Variants in FBLN2 observed in about 807,000 individuals in gnomAD.
FBLN2 encodes the protein fibulin 2.
A neutral mutation model predicts 123.7 loss-of-function variants in FBLN2; 81 were observed. That is an observed-to-expected ratio of 0.65 (90% CI 0.55 to 0.79). The LOEUF (loss-of-function observed/expected upper bound fraction) is 0.79, where lower values mean the gene tolerates loss of function less well. FBLN2 is among the 30% of genes least tolerant of loss of function. The pLI, the probability that FBLN2 is intolerant of heterozygous loss-of-function variation, is 0.00. For synonymous variants in FBLN2, 699 were observed against 701.4 expected, an observed-to-expected ratio of 1.00 and a Z score of 0.05; for missense variants, 1,603 against 1,681.3, an observed-to-expected ratio of 0.95 and a Z score of 0.81.
chr3:13,568,790 T>C, intron 1 of FBLN2: 1 of 985,782 alleles, frequency 1.0e-6, no homozygotes, highest in Non-Finnish European at 1.2e-6. Flanking sequence ...TGGCGTTCAG[T>C]TCTCTACAGA....
chr3:13,551,481 G>C (rs1303252202), intron 1 of FBLN2, among the ~76,000 whole-genome samples: 1 of 152,170 alleles, frequency 6.6e-6, no homozygotes, highest in African/African-American at 2.4e-5. Context: ...TTAAGAGACG[G>C]GGAAGGGGAG....
chr3:13,626,286 A>G lies in FBLN2; in HGVS notation c.2297-159A>G, dbSNP rs73150634. On this transcript the variant is annotated intron_variant, in intron 9 of 17. Transcript: ENST00000404922. ...CAATAAATCTTTGTTGAATGAAGGG[A>G]TGTTTGGGTGCCGAGACATCAGCCA... 8.8e-3 allele frequency among the ~76,000 whole-genome samples: 1,337 copies of G among 152,262 alleles called. 32 individuals carry two copies. The highest frequency in any genetic ancestry group is 0.031 in the African/African-American group (1,280 of 41,536).
rs949329401 is a variant in FBLN2, at chr3:13,601,252, T to G, written c.1307-6810T>G. 2.0e-5 allele frequency among the ~76,000 whole-genome samples: 3 copies of G among 152,224 alleles called. No individual in the cohort carries two copies. In the South Asian group the frequency reaches 6.2e-4, roughly 32 times the overall value. On this transcript the variant is annotated intron_variant, in intron 2 of 17. Transcript: ENST00000404922. ...GACCATAATCTCTGTAAGGCAATCT[T>G]GGAAGAGGTTTAGGGAGGAAGGATT...
chr3:13,586,342 G>A (rs1487246405), intron 2 of FBLN2, among the ~76,000 whole-genome samples: 2 of 151,524 alleles, frequency 1.3e-5, no homozygotes, highest in Admixed American at 1.3e-4. Context: ...CCGCCACCAC[G>A]CCAGGCTAAT....
At chr3:13,553,903 G>A (rs541385238) in intron 1 of FBLN2, among the ~76,000 whole-genome samples, 7 of 152,336 alleles carry the variant, frequency 4.6e-5, no homozygotes, top group Admixed American at 2.0e-4. Context: ...TCTGTGAATC[G>A]GGGGCGCCCC....
intron 4 of FBLN2, among the ~76,000 whole-genome samples, chr3:13,611,139 G>T (rs1031762340): frequency 1.3e-5 from 2 of 152,000 alleles, no homozygotes; most frequent in Non-Finnish European, 2.9e-5. Context: ...TAGAGATGGG[G>T]TTTCACCACA....
At chr3:13,595,016 G>C (rs2124861489) in intron 2 of FBLN2, among the ~76,000 whole-genome samples, 1 of 152,340 alleles carries the variant, frequency 6.6e-6, no homozygotes, top group East Asian at 1.9e-4. Flanking sequence ...CCCCGGCTGG[G>C]TGTGTGGTCT....
chr3:13,550,320 C>T (rs1703286421), intron 1 of FBLN2, among the ~76,000 whole-genome samples: 2 of 152,222 alleles, frequency 1.3e-5, no homozygotes, highest in South Asian at 4.1e-4. Flanking sequence ...CTCCGTGCAT[C>T]CTCTCTCCCT....
Position 13,570,902 on chromosome 3 carries a change from G to A in FBLN2, c.547G>A (p.Asp183Asn), listed in dbSNP as rs1186720660. 2 of 1,612,736 alleles carry A rather than the reference G, an allele frequency of 1.2e-6. No homozygotes were observed. The highest frequency in any genetic ancestry group is 8.5e-7 in the Non-Finnish European group (1 of 1,179,600). The change falls in exon 2 of 18, where the codon GAT becomes AAT. Residue 183 changes from aspartate to asparagine, a missense_variant. Asp to Asn is a conservative substitution (Grantham distance 23). Transcript: ENST00000404922. ...QLPGCHGNFS[D>N]AEEGDPERHY... Reference sequence around the variant, plus strand: ...CCCCGGTTGCCACGGGAACTTCTCAGATGCCGAGGAGGGTGACCCCGAGCG... The same window carrying A: ...CCCCGGTTGCCACGGGAACTTCTCAAATGCCGAGGAGGGTGACCCCGAGCG...
intron 16 of FBLN2, among the ~76,000 whole-genome samples, chr3:13,632,459 AG>A (rs1348468304): frequency 2.0e-5 from 3 of 152,180 alleles, no homozygotes; most frequent in African/African-American, 4.8e-5. Flanking sequence ...AGCTCCCAGA[AG>A]GGTTTGGAGT....
intron 1 of FBLN2, among the ~76,000 whole-genome samples, chr3:13,553,482 G>A (rs1224721788): frequency 3.3e-5 from 5 of 152,148 alleles, no homozygotes; most frequent in Admixed American, 1.3e-4. Flanking sequence ...AGCTGCCCTC[G>A]TGTACGGGGC....
rs966993314 is a variant in FBLN2 at position 13,571,463 on chromosome 3, A to C, written c.1108A>C (p.Thr370Pro). ...PSLGKAALVPTQAVPGSPRDP... is the reference protein window; with the variant it reads ...PSLGKAALVPPQAVPGSPRDP... Reference sequence around the variant, plus strand: ...CCTGGGCAAGGCTGCTCTCGTCCCAACTCAGGCCGTGCCTGGCTCTCCCAG... The same window carrying C: ...CCTGGGCAAGGCTGCTCTCGTCCCACCTCAGGCCGTGCCTGGCTCTCCCAG... Residue 370 changes from threonine (T) to proline (P), a missense_variant, in exon 2 of 18, where the codon ACT becomes CCT. Transcript: ENST00000404922. 3.7e-6 allele frequency: 6 copies of C among 1,613,200 alleles called. No individual in the cohort carries two copies. Among genetic ancestry groups the C allele is most frequent in the Non-Finnish European group, 3.4e-6 (4 of 1,179,738 alleles).
chr3:13,559,956 G>A (rs1431713628), intron 1 of FBLN2, among the ~76,000 whole-genome samples: 1 of 152,144 alleles, frequency 6.6e-6, no homozygotes, highest in Non-Finnish European at 1.5e-5. Flanking sequence ...GCGCCAGGTG[G>A]GGAGGGTGGT....
At chr3:13,562,881 A>G (rs749406242) in intron 1 of FBLN2, among the ~76,000 whole-genome samples, 7 of 152,212 alleles carry the variant, frequency 4.6e-5, no homozygotes, top group Non-Finnish European at 7.3e-5. Flanking sequence ...GGAATCACAC[A>G]GGATTTGTCC....
rs1034136152 is a variant in FBLN2, at chr3:13,618,919, A to G, written c.1955A>G (p.Gln652Arg). 1.2e-6 allele frequency: 2 copies of G among 1,613,038 alleles called. No homozygotes were observed. The highest frequency in any genetic ancestry group is 1.7e-6 in the Non-Finnish European group (2 of 1,179,590). Residue 652 changes from glutamine (Q) to arginine (R), a missense_variant, in exon 7 of 18, where the codon CAG becomes CGG. By Grantham distance (43) the Gln-to-Arg change is conservative (BLOSUM62 1). Coordinates refer to ENST00000404922, the MANE Select transcript of FBLN2 (RefSeq NM_001004019.2). ...RTCRPEGHPP[Q>R]PEAPQEPALK... ...CCCATGACAGAGGGTCACCCTCCACAGCCGGAAGCCCCACAGGAGCCTGCA... is the reference window on the plus strand; with the variant it reads ...CCCATGACAGAGGGTCACCCTCCACGGCCGGAAGCCCCACAGGAGCCTGCA...
chr3:13,578,005 C>T lies in FBLN2; in HGVS notation c.1306+6344C>T, dbSNP rs148095203. On this transcript the variant is annotated intron_variant, in intron 2 of 17. Coordinates refer to ENST00000404922, the MANE Select transcript of FBLN2 (RefSeq NM_001004019.2). Reference sequence around the variant, plus strand: ...GAGGGCTTGTGGTTCCCATGGGGGACCTAGAGGTACAAGTGGGTCTGGGTG... The same window carrying T: ...GAGGGCTTGTGGTTCCCATGGGGGATCTAGAGGTACAAGTGGGTCTGGGTG... 3.5e-3 allele frequency among the ~76,000 whole-genome samples: 537 copies of T among 152,282 alleles called. 5 individuals carry two copies. The highest frequency in any genetic ancestry group is 0.01 in the South Asian group (49 of 4,822).
intron 8 of FBLN2, among the ~76,000 whole-genome samples, 194 bp from the exon 9 acceptor site, chr3:13,621,581 C>T (rs1007881800): frequency 5.9e-5 from 9 of 152,196 alleles, no homozygotes; most frequent in Non-Finnish European, 1.5e-5. Flanking sequence ...TCACCACCGT[C>T]CTTACTGGGG....
At chr3:13,559,080 G>A (rs905756106) in intron 1 of FBLN2, among the ~76,000 whole-genome samples, 4 of 152,108 alleles carry the variant, frequency 2.6e-5, no homozygotes, top group African/African-American at 4.8e-5. Context: ...GAATGTCTCC[G>A]TTAGGAGTTT....
intron 9 of FBLN2, among the ~76,000 whole-genome samples, chr3:13,625,798 A>G (rs1206779127): frequency 6.7e-6 from 1 of 149,498 alleles, no homozygotes; most frequent in Non-Finnish European, 1.5e-5. Flanking sequence ...AATAAATAAG[A>G]CCACTTTCTC....
Sources: allele counts gnomAD v4.1 joint callset (sites outside exome capture counted in the v4.1 genomes callset), GRCh38; gene constraint gnomAD v4.1.1; transcripts MANE v1.5; gene names NCBI Gene and HGNC (gene_info 2026-07-23, HGNC 2026-07-21).